Variants in SEPTIN11 observed in about 807,000 individuals in gnomAD.
SEPTIN11 encodes the protein septin-11.
A neutral mutation model predicts 51.4 loss-of-function variants in SEPTIN11; 25 were observed. That is an observed-to-expected ratio of 0.49 (90% confidence interval 0.35 to 0.68). The LOEUF (loss-of-function observed/expected upper bound fraction) is 0.68. SEPTIN11 is among the 30% of genes least tolerant of loss of function. SEPTIN11 has a pLI of 0.00. For missense variants in SEPTIN11, 381 were observed against 520.8 expected (o/e 0.73, Z 2.61); for synonymous variants, 174 against 184.1 (o/e 0.95, Z 0.44).
intron 5 of SEPTIN11, among the ~76,000 whole-genome samples, chr4:77,018,413 C>T (rs921275584): frequency 1.3e-5 from 2 of 150,586 alleles, no homozygotes; most frequent in Non-Finnish European, 2.9e-5. Flanking sequence ...CGCGCCACTG[C>T]ACTCCAGCCT....
At chr4:77,007,494 C>A (rs1724566452) in intron 3 of SEPTIN11, among the ~76,000 whole-genome samples, 1 of 152,162 alleles carries the variant, frequency 6.6e-6, no homozygotes, top group Non-Finnish European at 1.5e-5. Context: ...TTGCCTCTCC[C>A]CTAAACTGGG....
chr4:76,967,800 T>C (rs2109896578), intron 1 of SEPTIN11, among the ~76,000 whole-genome samples: 1 of 152,344 alleles, frequency 6.6e-6, no homozygotes, highest in Non-Finnish European at 1.5e-5. Context: ...TTAAGCTTTT[T>C]GTGTGTGCAG....
chr4:77,005,601 G>C lies in SEPTIN11; in HGVS notation c.143G>C (p.Gly48Ala). 6.2e-7 allele frequency: 1 copy of C among 1,612,318 alleles called. No individual in the cohort carries two copies. The highest frequency in any genetic ancestry group is 1.1e-5 in the South Asian group (1 of 90,830). ...TGATTTTTCTTTTGTGGTTATGTAG[G>C]TGAGACAGGCATTGGCAAATCCACG... ...QGFCFNILCV[G>A]ETGIGKSTLM... The change falls in exon 3 of 10, where the codon GGT (glycine) becomes GCT (alanine). Residue 48 changes from glycine to alanine, a missense_variant and splice_region_variant. By Grantham distance (60) the Gly-to-Ala change is moderately conservative (BLOSUM62 0). This residue lies in a region of SEPTIN11 where 184 missense variants were observed against 207.7 expected (regional missense o/e 0.89). Coordinates refer to ENST00000264893, the MANE Select transcript of SEPTIN11 (RefSeq NM_018243.4).
At chr4:77,014,055 C>T (rs543030798) in intron 4 of SEPTIN11, among the ~76,000 whole-genome samples, 1 of 152,310 alleles carries the variant, frequency 6.6e-6, no homozygotes, top group Non-Finnish European at 1.5e-5. Flanking sequence ...CCTTGGCTCC[C>T]TTTCTGGGCT....
At chr4:77,012,210 TA>T (rs949633202) in intron 4 of SEPTIN11, among the ~76,000 whole-genome samples, 21 of 147,152 alleles carry the variant, frequency 1.4e-4, no homozygotes, top group South Asian at 2.1e-4. Flanking sequence ...TTTACTTTCT[TA>T]AAAAAAAAAA....
chr4:76,992,675 A>T (rs908929509), intron 1 of SEPTIN11, among the ~76,000 whole-genome samples: 5 of 152,226 alleles, frequency 3.3e-5, no homozygotes. Flanking sequence ...TAGCTTGAGC[A>T]GCTTTTCAAT....
At chr4:77,016,641 T>TATATACACACACACAC (rs1487019909) in intron 5 of SEPTIN11, among the ~76,000 whole-genome samples, 1 of 97,104 alleles carries the variant, frequency 1.0e-5, no homozygotes, top group African/African-American at 3.6e-5. Context: ...CACATATATA[T>TATATACACACACACAC]ATATATATAT....
intron 1 of SEPTIN11, among the ~76,000 whole-genome samples, chr4:76,994,294 C>T (rs1342862827): frequency 6.6e-6 from 1 of 152,182 alleles, no homozygotes; most frequent in Non-Finnish European, 1.5e-5. Context: ...CCTCCTCCCC[C>T]AAGTCTTGGC....
intron 3 of SEPTIN11, among the ~76,000 whole-genome samples, chr4:77,006,834 T>C (rs941676535): frequency 6.6e-6 from 1 of 152,254 alleles, no homozygotes. Context: ...ATTTTATCTA[T>C]GCCTGATATA....
chr4:76,974,663 A>G (rs1006779708), intron 1 of SEPTIN11: 1 of 428,940 alleles, frequency 2.3e-6, no homozygotes, highest in Admixed American at 2.5e-5. Context: ...AGAAAACCCA[A>G]ACTCCCCTTC....
At chr4:77,039,309 A>G (rs574736364), downstream of SEPTIN11, 12 of 1,089,682 alleles carry the variant, frequency 1.1e-5, no homozygotes, top group South Asian at 2.7e-4. Context: ...AGTCATATTC[A>G]ATAATATTAA....
chr4:76,999,545 G>A (rs1723974217), intron 2 of SEPTIN11, among the ~76,000 whole-genome samples: 1 of 151,840 alleles, frequency 6.6e-6, no homozygotes, highest in Non-Finnish European at 1.5e-5. Flanking sequence ...GGGAATTAAG[G>A]ATAAAAAAAA....
chr4:77,034,764 C>G lies in SEPTIN11; in HGVS notation c.*252C>G. On this transcript the variant is annotated 3_prime_UTR_variant, in exon 10 of 10. Transcript: ENST00000264893. ...AAAGTAAATGATTTGCTTTTTATGC[C>G]TGTTCTGAATGGCAGCACGAAGCAG... The G allele has an allele frequency of 8.3e-7, 1 of 1,199,382 alleles. No homozygotes were observed. Among genetic ancestry groups the G allele is most frequent in the African/African-American group, 1.6e-5 (1 of 63,106 alleles). 74.3% of individuals were successfully genotyped at this position (1,199,382 alleles called of 1,614,324 possible).
At position 77,029,590 on chromosome 4, in the gene SEPTIN11, G is replaced by C. The variant is rs139933409; in HGVS notation, c.1086+829G>C. On this transcript the variant is annotated intron_variant, in intron 8 of 9. Coordinates refer to ENST00000264893, the MANE Select transcript of SEPTIN11 (RefSeq NM_018243.4). Reference sequence around the variant, plus strand: ...GAGCCTTATTTGCTGTTGGCTTCAAGAACCAAGGGGATGCTGGGTAAAAAA... The same window carrying C: ...GAGCCTTATTTGCTGTTGGCTTCAACAACCAAGGGGATGCTGGGTAAAAAA... 2.9e-3 allele frequency among the ~76,000 whole-genome samples: 437 copies of C among 152,176 alleles called. 1 individual carries two copies. The highest frequency in any genetic ancestry group is 0.01 in the African/African-American group (420 of 41,516).
chr4:77,001,608 C>A (rs1249019135), intron 2 of SEPTIN11, among the ~76,000 whole-genome samples: 1 of 152,154 alleles, frequency 6.6e-6, no homozygotes, highest in African/African-American at 2.4e-5. Flanking sequence ...CCTCAGCCTC[C>A]CAGAGTGTTG....
intron 1 of SEPTIN11, chr4:76,958,950 G>T: frequency 1.8e-6 from 2 of 1,131,822 alleles, no homozygotes; most frequent in Non-Finnish European, 2.7e-6. Context: ...TGGAATGTTG[G>T]CATGCATTTG....
chr4:77,036,960 C>G lies in SEPTIN11; in HGVS notation c.*2448C>G. 7.9e-7 allele frequency: 1 copy of G among 1,273,180 alleles called. No individual in the cohort carries two copies. The highest frequency in any genetic ancestry group is 9.9e-7 in the Non-Finnish European group (1 of 1,012,128). The allele number at this position is 1,273,180 out of a possible 1,614,324, so 78.9% of individuals were successfully genotyped here. A position where few individuals can be genotyped will look rare whatever the true frequency, so the allele number is the denominator to read the frequency against. On this transcript the variant is annotated 3_prime_UTR_variant, in exon 10 of 10. Transcript: ENST00000264893. ...GGCAGGAAGGTAATGGTTTGAGTAG[C>G]CTTTGTTTAAAAAAAAGACTAAATA...
At chr4:77,005,580 T>G in intron 2 of SEPTIN11, 21 bp from the exon 3 acceptor site, 2 of 1,600,388 alleles carry the variant, frequency 1.2e-6, no homozygotes, top group Non-Finnish European at 1.7e-6. Context: ...ATTCTCTGAT[T>G]TTTCTTTTGT....
chr4:76,991,257 G>T (rs998322281), intron 1 of SEPTIN11, among the ~76,000 whole-genome samples: 2 of 152,170 alleles, frequency 1.3e-5, no homozygotes, highest in African/African-American at 4.8e-5. Flanking sequence ...ACCCTGCCAA[G>T]GAGATATGTA....
Sources: gnomAD v4.1 joint callset for allele counts (sites outside exome capture counted in the v4.1 genomes callset) on GRCh38, gnomAD v4.1.1 for gene constraint, gnomAD v4.1.1 regional missense constraint, MANE v1.5 for transcripts, NCBI Gene and HGNC (gene_info 2026-07-23, HGNC 2026-07-21) for gene names.